The following ACTG1 variants were observed in gnomAD, a reference collection of about 807,000 sequenced individuals.
The protein encoded by ACTG1 is actin, cytoplasmic 2.
In ACTG1, 14 loss-of-function variants were observed where a neutral mutation model predicts 34.3. The observed-to-expected ratio is 0.41, with a 90% CI of 0.27 to 0.64. The LOEUF (loss-of-function observed/expected upper bound fraction) is 0.64. Among genes scored for constraint, ACTG1 ranks in the 30% least tolerant of loss-of-function variants. The pLI, the probability that ACTG1 is intolerant of heterozygous loss-of-function variation, is 0.33. For synonymous variants in ACTG1, 422 were observed against 213.9 expected (o/e 1.97, Z -8.49); for missense variants, 233 against 529.5 (o/e 0.44, Z 5.50).
At chr17:81,512,632 G>A (rs1003346431) in intron 1 of ACTG1, 102 bp downstream of exon 1, 10 of 502,506 alleles carry the variant, frequency 2.0e-5, no homozygotes, top group Non-Finnish European at 3.2e-5. Flanking sequence ...TTTGTTCCCG[G>A]GGAAGGCGCG....
chr17:81,512,243 G>C lies in ACTG1; in HGVS notation c.112C>G (p.Pro38Ala). ...CGCCATCCACTCACCTGGTGTCTGGGGCGCCCGACGATGGAAGGAAACACG... is the reference window on the plus strand; with the variant it reads ...CGCCATCCACTCACCTGGTGTCTGGCGCGCCCGACGATGGAAGGAAACACG... Reference protein sequence around the residue: ...RAVFPSIVGRPRHQGVMVGMG... With the variant: ...RAVFPSIVGRARHQGVMVGMG... The change falls in exon 2 of 6, where the codon CCC becomes GCC. Residue 38 changes from proline (P) to alanine (A), a missense_variant. Pro to Ala is a conservative substitution (Grantham distance 27, BLOSUM62 -1). Transcript: ENST00000573283. The C allele has an allele frequency of 1.2e-6, 2 of 1,613,656 alleles. No homozygotes were observed. The highest frequency in any genetic ancestry group is 1.7e-6 in the Non-Finnish European group (2 of 1,179,960).
chr17:81,511,807 G>A (rs542684208), intron 3 of ACTG1, 96 bp downstream of exon 3: 37 of 1,595,908 alleles, frequency 2.3e-5, no homozygotes, highest in South Asian at 7.9e-5. Context: ...ACAGAGCCTG[G>A]AACAGCGAAA....
rs374212193 is a variant in ACTG1, at chr17:81,512,368, G to T, written c.-6-8C>A. 3 of 1,613,916 alleles carry T rather than the reference G, an allele frequency of 1.9e-6. No individual in the cohort carries two copies. Among genetic ancestry groups the T allele is most frequent in the East Asian group, 2.2e-5 (1 of 44,876 alleles). ...CTCTTCTTCCATTGCGACCTGCCCGGAAAAGGATGGACTCAGGCGGGCGCG... is the reference window on the plus strand; with the variant it reads ...CTCTTCTTCCATTGCGACCTGCCCGTAAAAGGATGGACTCAGGCGGGCGCG... On this transcript the variant is annotated splice_region_variant and splice_polypyrimidine_tract_variant and intron_variant, in intron 1 of 5. Coordinates refer to ENST00000573283, the MANE Select transcript of ACTG1 (RefSeq NM_001614.5).
intron 3 of ACTG1, 25 bp from the exon 4 acceptor site, chr17:81,511,651 A>G: frequency 6.2e-7 from 1 of 1,607,788 alleles, no homozygotes; most frequent in South Asian, 1.1e-5. Context: ...GGGGCGGCTT[A>G]GTCAGGGACA....
rs543794961 is a variant in ACTG1 at position 81,512,697 on chromosome 17, G to A, written c.-7+37C>T. ...AGCCGGGGTCGGGGGGCGCAGGCCT[G>A]CGACGTCCAGCTCAGGCCCCGGGGC... On this transcript the variant is annotated intron_variant, in intron 1 of 5. Transcript: ENST00000573283. 1.3e-3 allele frequency: 543 copies of A among 407,200 alleles called. 12 individuals carry two copies. The highest frequency in any genetic ancestry group is 0.01 in the South Asian group (533 of 52,410). 25.2% of individuals were successfully genotyped at this position (407,200 alleles called of 1,614,324 possible).
rs376038784 is a variant in ACTG1 at position 81,511,270 on chromosome 17, G to A, written c.720C>T (p.Tyr240=). 44 of 1,613,688 alleles carry A rather than the reference G, an allele frequency of 2.7e-5. 1 individual carries two copies. Among genetic ancestry groups the A allele is most frequent in the South Asian group, 1.2e-4 (11 of 91,088 alleles). ...TGATGACCTGGCCATCGGGCAGCTCGTAGCTCTTCTCCAGAGAAGAGGAGG... is the reference window on the plus strand; with the variant it reads ...TGATGACCTGGCCATCGGGCAGCTCATAGCTCTTCTCCAGAGAAGAGGAGG... The part of the protein sequence containing the change: ...AASSSSLEKS[Y]ELPDGQVITI... The change falls in exon 4 of 6, where the codon TAC becomes TAT. Residue 240 remains tyrosine (Y), a synonymous_variant. Coordinates refer to ENST00000573283, the MANE Select transcript of ACTG1 (RefSeq NM_001614.5).
In ACTG1 at chr17:81,510,408, G is replaced by A. The variant is rs193006971; in HGVS notation, c.*282C>T. 2.2e-3 allele frequency: 1,162 copies of A among 539,094 alleles called. 6 individuals carry two copies. Among genetic ancestry groups the A allele is most frequent in the South Asian group, 2.6e-3 (152 of 58,532 alleles). The allele number at this position is 539,094 out of a possible 1,614,324, so 33.4% of individuals were successfully genotyped here. ...CTTCCACAAGCACGTTCTTACCTTA[G>A]CCACGAAGTGACCAAGCCACACGTA... On this transcript the variant is annotated 3_prime_UTR_variant, in exon 6 of 6. Coordinates refer to ENST00000573283, the MANE Select transcript of ACTG1 (RefSeq NM_001614.5).
chr17:81,512,163 G>C, intron 2 of ACTG1, 21 bp from the exon 3 acceptor site: 4 of 1,613,250 alleles, frequency 2.5e-6, no homozygotes, highest in South Asian at 1.1e-5. Flanking sequence ...CGACCCGTCA[G>C]CCTCGCCGGC....
At position 81,511,576 on chromosome 17, in the gene ACTG1, G is replaced by T. The variant is rs143978597; in HGVS notation, c.414C>A (p.Ala138=). The T allele has an allele frequency of 1.8e-5, 29 of 1,613,702 alleles. No homozygotes were observed. The Admixed American group carries it at 4.2e-4, about 23-fold the overall frequency. Residue 138 remains alanine, a synonymous_variant, in exon 4 of 6, where the codon GCC becomes GCA. Transcript: ENST00000573283. ...NTPAMYVAIQ[A]VLSLYASGRT... ...GCCCAGAGGCGTAGAGGGACAGCAC[G>T]GCCTGGATGGCCACGTACATGGCCG...
chr17:81,512,204 C>A, intron 2 of ACTG1, 28 bp downstream of exon 2: 2 of 1,613,410 alleles, frequency 1.2e-6, no homozygotes, highest in Non-Finnish European at 1.7e-6. Flanking sequence ...ACGCAGAACC[C>A]AGGAGCCCCG....
rs1316235426 is a variant in ACTG1 at position 81,512,795 on chromosome 17, C to CT, written c.-69dup. Reference sequence around the variant, plus strand: ...AGAGTGCGAGAGCTGGCAGCGGCGACTGAGACCGACCGCGGCCTCCCCCGC... The same window carrying CT: ...AGAGTGCGAGAGCTGGCAGCGGCGACTTGAGACCGACCGCGGCCTCCCCCGC... On this transcript the variant is annotated 5_prime_UTR_variant, in exon 1 of 6. Coordinates refer to ENST00000573283, the MANE Select transcript of ACTG1 (RefSeq NM_001614.5). The CT allele has an allele frequency of 2.4e-6, 1 of 410,296 alleles. No individual in the cohort carries two copies. Among genetic ancestry groups the CT allele is most frequent in the African/African-American group, 2.2e-5 (1 of 45,638 alleles). The allele number at this position is 410,296 out of a possible 1,614,324, so 25.4% of individuals were successfully genotyped here.
In ACTG1 at chr17:81,511,154, G is replaced by T. The variant is rs201229276; in HGVS notation, c.802+34C>A. 9.2e-4 allele frequency: 1,491 copies of T among 1,613,736 alleles called. 2 individuals are homozygous for T. Among genetic ancestry groups the T allele is most frequent in the Middle Eastern group, 1.3e-3 (8 of 6,062 alleles). ...TTAGTGATGCTGTGTCACCGAGGAT[G>T]TAAGAGTAGAAACCTTTAGCTCACA... On this transcript the variant is annotated intron_variant, in intron 4 of 5. Transcript: ENST00000573283.
Position 81,511,600 on chromosome 17 carries a change from C to T in ACTG1, c.390G>A (p.Pro130=), listed in dbSNP as rs561518636. 2.1e-5 allele frequency: 34 copies of T among 1,613,540 alleles called. No homozygotes were observed. The East Asian group carries it at 2.5e-4, about 12-fold the overall frequency. ...TQIMFETFNT[P]AMYVAIQAVL... is the part of the protein sequence containing the mutation. Reference sequence around the variant, plus strand: ...CGGCCTGGATGGCCACGTACATGGCCGGGGTGTTGAAGGTCTCAAACATAA... The same window carrying T: ...CGGCCTGGATGGCCACGTACATGGCTGGGGTGTTGAAGGTCTCAAACATAA... Residue 130 remains proline, a synonymous_variant, in exon 4 of 6, where the codon CCG becomes CCA. Transcript: ENST00000573283.
chr17:81,512,413 C>T (rs1267947509), intron 1 of ACTG1, 53 bp from the exon 2 acceptor site: 7 of 1,613,308 alleles, frequency 4.3e-6, no homozygotes, highest in Non-Finnish European at 5.1e-6. Flanking sequence ...CGGTCCCCTC[C>T]CCACAGCCAC....
At position 81,512,741 on chromosome 17, in the gene ACTG1, G is replaced by C. The variant is rs782606248; in HGVS notation, c.-14C>G. On this transcript the variant is annotated 5_prime_UTR_variant, in exon 1 of 6. Transcript: ENST00000573283. Reference sequence around the variant, plus strand: ...CCGGGGCGGGGCGCTCACCGGCAGAGAAACGCGACGGCGGAGCGGCGGAAG... The same window carrying C: ...CCGGGGCGGGGCGCTCACCGGCAGACAAACGCGACGGCGGAGCGGCGGAAG... The C allele has an allele frequency of 2.9e-5, 12 of 413,928 alleles. No individual in the cohort carries two copies. Among genetic ancestry groups the C allele is most frequent in the African/African-American group, 2.4e-4 (11 of 45,658 alleles). The allele number at this position is 413,928 out of a possible 1,614,324, so 25.6% of individuals were successfully genotyped here.
chr17:81,512,763 G>T lies in ACTG1; in HGVS notation c.-36C>A, dbSNP rs782806224. ...AGAGAAACGCGACGGCGGAGCGGCGGAAGAACAGAGTGCGAGAGCTGGCAG... is the reference window on the plus strand; with the variant it reads ...AGAGAAACGCGACGGCGGAGCGGCGTAAGAACAGAGTGCGAGAGCTGGCAG... On this transcript the variant is annotated 5_prime_UTR_variant, in exon 1 of 6. Transcript: ENST00000573283. 3 of 415,522 alleles carry T rather than the reference G, an allele frequency of 7.2e-6. No individual in the cohort carries two copies. Among genetic ancestry groups the T allele is most frequent in the African/African-American group, 6.6e-5 (3 of 45,640 alleles). The allele number at this position is 415,522 out of a possible 1,614,324, so 25.7% of individuals were successfully genotyped here. A position where few individuals can be genotyped will look rare whatever the true frequency, so the allele number is the denominator to read the frequency against.
rs1654106519 is a variant in ACTG1, at chr17:81,510,771, C to G, written c.1047G>C (p.Leu349=). ...VWIGGSILAS[L]STFQQMWISK... is the part of the protein sequence containing the mutation. The stretch of plus-strand genomic sequence containing the variant: ...TAATCCACATCTGCTGGAAGGTGGA[C>G]AGTGAGGCCAGGATGGAGCCACCGA... The change falls in exon 6 of 6, where the codon CTG becomes CTC. Residue 349 remains leucine, a synonymous_variant. Transcript: ENST00000573283. The G allele has an allele frequency of 1.9e-6, 3 of 1,611,630 alleles. No homozygotes were observed. Among genetic ancestry groups the G allele is most frequent in the African/African-American group, 1.3e-5 (1 of 74,284 alleles).
rs2031838324 is a variant in ACTG1, at chr17:81,512,127, T to A, written c.139A>T (p.Met47Leu). ...CCCACGTAGGAGTCCTTCTGGCCCA[T>A]GCCCACCATGACGCCCTGCAGGGGA... is the stretch of plus-strand genomic sequence containing the variant. ...RPRHQGVMVG[M>L]GQKDSYVGDE... Residue 47 changes from methionine (M) to leucine (L), a missense_variant, in exon 3 of 6, where the codon ATG becomes TTG. Transcript: ENST00000573283. 1 of 1,613,566 alleles carries A rather than the reference T, an allele frequency of 6.2e-7. No homozygotes were observed. Among genetic ancestry groups the A allele is most frequent in the African/African-American group, 1.3e-5 (1 of 74,916 alleles).
rs11549171 is a variant in ACTG1, at chr17:81,510,342, G to A, written c.*348C>T. On this transcript the variant is annotated 3_prime_UTR_variant, in exon 6 of 6. Transcript: ENST00000573283. ...ACACGTTAATACCCTGCACAGATCA[G>A]AGGCTGCTGGCCACACAGACTCACC... 6.8e-6 allele frequency: 3 copies of A among 444,376 alleles called. No individual in the cohort carries two copies. The highest frequency in any genetic ancestry group is 4.3e-6 in the Non-Finnish European group (1 of 234,410). The allele number at this position is 444,376 out of a possible 1,614,324, so 27.5% of individuals were successfully genotyped here.
Sources: gnomAD v4.1 joint callset for allele counts on GRCh38, gnomAD v4.1.1 for gene constraint, MANE v1.5 for transcripts, NCBI Gene and HGNC (gene_info 2026-07-23, HGNC 2026-07-21) for gene names.